Variants in MGME1 observed in about 807,000 individuals in gnomAD.
MGME1 encodes the protein mitochondrial genome maintenance exonuclease 1.
A neutral mutation model predicts 33.0 loss-of-function variants in MGME1; 22 were observed. That is an observed-to-expected ratio of 0.67 (90% CI 0.48 to 0.95). The LOEUF is 0.95. Among genes scored for constraint, MGME1 ranks in the 40% least tolerant of loss-of-function variants. MGME1 has a pLI of 0.00. For missense variants in MGME1, 383 were observed against 397.8 expected, an observed-to-expected ratio of 0.96 and a Z score of 0.32; for synonymous variants, 133 against 144.0, an observed-to-expected ratio of 0.92 and a Z score of 0.55.
At chr20:17,972,436 A>AT (rs143594137) in intron 2 of MGME1, among the ~76,000 whole-genome samples, 221 of 125,694 alleles carry the variant, frequency 1.8e-3, no homozygotes, top group East Asian at 2.5e-3. Flanking sequence ...TTAGGTTTTA[A>AT]TTTTTTTTTT....
chr20:17,974,170 T>C (rs2122514330), intron 2 of MGME1, among the ~76,000 whole-genome samples: 1 of 147,266 alleles, frequency 6.8e-6, no homozygotes, highest in East Asian at 2.2e-4. Flanking sequence ...GTTCAAGCAA[T>C]TCTCCTGCCT....
At chr20:17,982,228 C>G (rs973794216) in intron 3 of MGME1, among the ~76,000 whole-genome samples, 2 of 152,206 alleles carry the variant, frequency 1.3e-5, no homozygotes, top group African/African-American at 4.8e-5. Context: ...TCAAGCGATT[C>G]TCCTGTCTTG....
chr20:17,973,424 G>GTC (rs1048467921), intron 2 of MGME1, among the ~76,000 whole-genome samples: 1 of 152,130 alleles, frequency 6.6e-6, no homozygotes, highest in Non-Finnish European at 1.5e-5. Context: ...AAGGTGGGAC[G>GTC]ATTGCTTGAG....
At chr20:17,983,022 A>T (rs1352138066) in intron 3 of MGME1, among the ~76,000 whole-genome samples, 1 of 151,534 alleles carries the variant, frequency 6.6e-6, no homozygotes, top group Non-Finnish European at 1.5e-5. Context: ...CCTAACTGAA[A>T]CCTCTTACCC....
intron 3 of MGME1, among the ~76,000 whole-genome samples, chr20:17,982,197 C>T (rs775187508): frequency 2.0e-5 from 3 of 152,192 alleles, no homozygotes; most frequent in African/African-American, 7.2e-5. Context: ...GGTGCGGCAC[C>T]GCAACTTCCA....
At chr20:17,977,221 C>G (rs758081329) in intron 3 of MGME1, among the ~76,000 whole-genome samples, 1 of 151,726 alleles carries the variant, frequency 6.6e-6, no homozygotes, top group African/African-American at 2.4e-5. Flanking sequence ...ACTAAAAATA[C>G]AAAAATTAGC....
rs199845050 is a variant in MGME1 at position 17,970,083 on chromosome 20, A to G, written c.224A>G (p.Asp75Gly). 92 of 1,614,240 alleles carry G rather than the reference A, an allele frequency of 5.7e-5. No homozygotes were observed. The highest frequency in any genetic ancestry group is 1.0e-4 in the Admixed American group (6 of 60,022). ...VAQTPGSVEE[D>G]ALLCGPVSKH... ...CAGACCCCGGGATCGGTGGAGGAAGATGCTTTGCTCTGTGGACCCGTGAGC... is the reference window on the plus strand; with the variant it reads ...CAGACCCCGGGATCGGTGGAGGAAGGTGCTTTGCTCTGTGGACCCGTGAGC... Residue 75 changes from aspartate (D) to glycine (G), a missense_variant, in exon 2 of 5, where the codon GAT becomes GGT. Transcript: ENST00000377710.
At chr20:17,986,634 T>G (rs1182369773) in intron 3 of MGME1, among the ~76,000 whole-genome samples, 2 of 152,066 alleles carry the variant, frequency 1.3e-5, no homozygotes, top group African/African-American at 4.8e-5. Context: ...TGCTGGAGAT[T>G]ACAGGTGTGA....
intron 3 of MGME1, among the ~76,000 whole-genome samples, chr20:17,985,146 G>A (rs923069656): frequency 1.3e-5 from 2 of 152,148 alleles, no homozygotes; most frequent in African/African-American, 4.8e-5. Flanking sequence ...AGAAGTGGCC[G>A]GGCATGGTGG....
At position 17,970,044 on chromosome 20, in the gene MGME1, C is replaced by T. The variant is rs766909960; in HGVS notation, c.185C>T (p.Ser62Phe). 4.3e-6 allele frequency: 7 copies of T among 1,614,076 alleles called. No homozygotes were observed. The East Asian group carries it at 1.3e-4, about 31-fold the overall frequency. ...AATTTAGTTCAGTCTGTCTTGTCAT[C>T]CAGAGGCGTCGCCCAGACCCCGGGA... Reference protein sequence around the residue: ...YSNLVQSVLSSRGVAQTPGSV... With the variant: ...YSNLVQSVLSFRGVAQTPGSV... Residue 62 changes from serine (S) to phenylalanine (F), a missense_variant, in exon 2 of 5, where the codon TCC becomes TTC. By Grantham distance (155) the Ser-to-Phe change is radical. Coordinates refer to ENST00000377710, the MANE Select transcript of MGME1 (RefSeq NM_052865.4).
intron 3 of MGME1, among the ~76,000 whole-genome samples, chr20:17,981,865 C>T (rs1383207148): frequency 1.3e-5 from 2 of 151,222 alleles, no homozygotes; most frequent in Non-Finnish European, 2.9e-5. Context: ...GTTGGCCAGG[C>T]TTGTTTCGAA....
In MGME1 at chr20:17,975,882, T is replaced by C. The variant is rs776235262; in HGVS notation, c.710T>C (p.Leu237Pro). The C allele has an allele frequency of 1.2e-6, 2 of 1,613,900 alleles. No homozygotes were observed. Among genetic ancestry groups the C allele is most frequent in the Non-Finnish European group, 1.7e-6 (2 of 1,179,760 alleles). ...GAAACCTTAAACTATATAGGTCTGCTGGACTGTGTGGCTGAGTATCAGTAA... is the reference window on the plus strand; with the variant it reads ...GAAACCTTAAACTATATAGGTCTGCCGGACTGTGTGGCTGAGTATCAGTAA... ...QHETLNYIGL[L>P]DCVAEYQGKL... is the part of the protein sequence containing the mutation. Residue 237 changes from leucine to proline, a missense_variant, in exon 3 of 5, where the codon CTG (leucine) becomes CCG (proline). Physicochemically the swap from Leu to Pro is moderately conservative, Grantham distance 98. Transcript: ENST00000377710.
chr20:17,977,881 A>G (rs2035907860), intron 3 of MGME1, among the ~76,000 whole-genome samples: 1 of 152,154 alleles, frequency 6.6e-6, no homozygotes, highest in South Asian at 2.1e-4. Flanking sequence ...CGCCTCTGAT[A>G]CAAAGGTGGC....
Position 17,970,328 on chromosome 20 carries a change from AT to A in MGME1, c.471del (p.Leu158TrpfsTer36), listed in dbSNP as rs2035692686. On this transcript the variant is annotated frameshift_variant, in exon 2 of 5. Coordinates refer to ENST00000377710, the MANE Select transcript of MGME1 (RefSeq NM_052865.4). LOFTEE classifies it high-confidence loss of function. ...GTTGGAGAGGTGGAAACAGCGGATGATTCTGGAACTGGGAGAAGATGGCTTT... is the reference window on the plus strand; with the variant it reads ...GTTGGAGAGGTGGAAACAGCGGATGATCTGGAACTGGGAGAAGATGGCTTT... ...FLLERWKQRM[I>X]LELGEDGFKE... The A allele has an allele frequency of 6.2e-7, 1 of 1,613,948 alleles. No individual in the cohort carries two copies. Among genetic ancestry groups the A allele is most frequent in the South Asian group, 1.1e-5 (1 of 91,076 alleles).
intron 3 of MGME1, among the ~76,000 whole-genome samples, chr20:17,985,046 A>G (rs1478989524): frequency 6.6e-6 from 1 of 150,762 alleles, no homozygotes; most frequent in Non-Finnish European, 1.5e-5. Context: ...CAAAAAAAAA[A>G]AAAAAAAAAA....
intron 3 of MGME1, among the ~76,000 whole-genome samples, chr20:17,985,036 C>CAAA (rs535060718): frequency 7.8e-5 from 8 of 103,154 alleles, no homozygotes; most frequent in Non-Finnish European, 1.3e-4. Flanking sequence ...GACTTTGTCT[C>CAAA]AAAAAAAAAA....
intron 3 of MGME1, among the ~76,000 whole-genome samples, chr20:17,987,189 A>G (rs11469675): frequency 6.0e-4 from 88 of 145,478 alleles, no homozygotes; most frequent in African/African-American, 2.2e-3. Flanking sequence ...AAAAAAAAAA[A>G]GAAGAACCAG....
chr20:17,986,565 G>C (rs937295695), intron 3 of MGME1, among the ~76,000 whole-genome samples: 1 of 151,778 alleles, frequency 6.6e-6, no homozygotes, highest in Admixed American at 6.6e-5. Context: ...TCACCATGTT[G>C]CCCAGGCTGG....
chr20:17,990,251 G>T lies in MGME1; in HGVS notation c.*142G>T. 2 of 765,924 alleles carry T rather than the reference G, an allele frequency of 2.6e-6. No individual in the cohort carries two copies. The highest frequency in any genetic ancestry group is 5.4e-5 in the East Asian group (2 of 37,318). 47.4% of individuals were successfully genotyped at this position (765,924 alleles called of 1,614,324 possible). On this transcript the variant is annotated 3_prime_UTR_variant, in exon 5 of 5. Transcript: ENST00000377710. ...AGTAGAAGTATTAATTTGTTGAAAT[G>T]TGTTGTTACCAAAAAGACTGAAAAG...
Sources: allele counts gnomAD v4.1 joint callset (sites outside exome capture counted in the v4.1 genomes callset), GRCh38; gene constraint gnomAD v4.1.1; transcripts MANE v1.5; gene names NCBI Gene and HGNC (gene_info 2026-07-23, HGNC 2026-07-21).